The following GLB1 variants were observed in gnomAD, a reference collection of about 807,000 sequenced individuals.
GLB1 encodes the protein beta-galactosidase.
Under a neutral mutation model 74.0 loss-of-function variants are expected in GLB1, and 56 were observed. That is an observed-to-expected ratio of 0.76 (90% confidence interval 0.61 to 0.94). The LOEUF (loss-of-function observed/expected upper bound fraction) is 0.94. Among genes scored for constraint, GLB1 ranks in the 40% least tolerant of loss-of-function variants. The pLI is 0.00. For synonymous variants in GLB1, 323 were observed against 323.6 expected (o/e 1.00, Z 0.02); for missense variants, 787 against 845.5 (o/e 0.93, Z 0.86).
chr3:33,091,989 T>C (rs1700783117), intron 1 of GLB1: 1 of 983,762 alleles, frequency 1.0e-6, no homozygotes, highest in Admixed American at 6.1e-5. Flanking sequence ...ATACTGCCTG[T>C]GCCCTATCTC....
At chr3:32,998,512 C>CA (rs35791447) in intron 15 of GLB1, among the ~76,000 whole-genome samples, 941 of 84,194 alleles carry the variant, frequency 0.011, 5 homozygotes, top group Middle Eastern at 0.024. Flanking sequence ...GACTCCGTCT[C>CA]AAAAAAAAAA....
chr3:33,090,568 A>C lies in GLB1; in HGVS notation c.75+6443T>G, dbSNP rs960540057. ...TAAAGAAACAAATGAAATTGAAAGA[A>C]TGATCAAGCTTCAAGTAACGTTTCT... is the stretch of plus-strand genomic sequence containing the variant. On this transcript the variant is annotated intron_variant, in intron 1 of 15. Coordinates refer to ENST00000307363, the MANE Select transcript of GLB1 (RefSeq NM_000404.4). The C allele has an allele frequency of 7.1e-6, 7 of 985,342 alleles. No individual in the cohort carries two copies. The South Asian group carries it at 3.3e-4, about 46-fold the overall frequency. The allele number at this position is 985,342 out of a possible 1,614,324, so 61.0% of individuals were successfully genotyped here.
chr3:33,024,163 A>G, intron 11 of GLB1, 88 bp downstream of exon 11: 1 of 1,415,902 alleles, frequency 7.1e-7, no homozygotes, highest in South Asian at 1.2e-5. Context: ...CAATTCCTCC[A>G]GCACAGCACT....
intron 1 of GLB1, 150 bp from the exon 2 acceptor site, chr3:33,072,863 C>CA (rs1220871859): frequency 1.5e-6 from 2 of 1,319,058 alleles, no homozygotes; most frequent in Non-Finnish European, 2.1e-6. Flanking sequence ...TCATACAAAC[C>CA]ATTGCTAAGC....
intron 3 of GLB1, 54 bp from the exon 4 acceptor site, chr3:33,068,344 A>C (rs1383655807): frequency 1.2e-6 from 2 of 1,610,070 alleles, no homozygotes; most frequent in African/African-American, 2.7e-5. Flanking sequence ...GGGTGCTCAG[A>C]GGAGATAGAA....
At chr3:32,971,945 T>C in the GLB1 span, among the ~76,000 whole-genome samples, 1 of 152,192 alleles carries the variant, frequency 6.6e-6, no homozygotes, top group African/African-American at 2.4e-5. Context: ...TCCTTCTTTC[T>C]AATTCCTCGA....
chr3:33,004,621 C>T (rs1049713696), intron 15 of GLB1, among the ~76,000 whole-genome samples: 2 of 152,232 alleles, frequency 1.3e-5, no homozygotes, highest in Non-Finnish European at 2.9e-5. Context: ...TTGCTGAGAA[C>T]AGCTGGGTGA....
At chr3:32,964,368 G>T in the GLB1 span, among the ~76,000 whole-genome samples, 4 of 152,192 alleles carry the variant, frequency 2.6e-5, no homozygotes, top group African/African-American at 7.2e-5. Context: ...GAGGGAGTTC[G>T]TGCAGTGGAC....
chr3:33,073,637 G>A (rs896496931), intron 1 of GLB1, among the ~76,000 whole-genome samples: 1 of 152,074 alleles, frequency 6.6e-6, no homozygotes, highest in Non-Finnish European at 1.5e-5. Flanking sequence ...GCAGTGAGCT[G>A]AGATCACACC....
intron 12 of GLB1, among the ~76,000 whole-genome samples, chr3:33,020,243 T>C (rs1304350544): frequency 1.3e-5 from 2 of 152,198 alleles, no homozygotes; most frequent in Admixed American, 6.5e-5. Flanking sequence ...TGGAATAAAA[T>C]CACAGGTGTA....
intron 10 of GLB1, among the ~76,000 whole-genome samples, chr3:33,044,883 C>T (rs966878697): frequency 6.6e-6 from 1 of 152,128 alleles, no homozygotes; most frequent in Admixed American, 6.6e-5. Flanking sequence ...CACCTAGGTG[C>T]ATTAGGTGCC....
chr3:33,055,253 C>T (rs1699165871), intron 6 of GLB1, among the ~76,000 whole-genome samples: 1 of 152,146 alleles, frequency 6.6e-6, no homozygotes, highest in Admixed American at 6.5e-5. Context: ...GTGACAGTCA[C>T]GCTGTCACCT....
intron 1 of GLB1, among the ~76,000 whole-genome samples, chr3:33,088,092 T>C (rs1426628002): frequency 2.0e-5 from 3 of 151,804 alleles, no homozygotes; most frequent in African/African-American, 7.3e-5. Context: ...ACTCAACAAA[T>C]GCAAAATAGA....
intron 2 of GLB1, among the ~76,000 whole-genome samples, chr3:33,069,622 C>T (rs769242529): frequency 3.9e-5 from 6 of 152,120 alleles, no homozygotes; most frequent in Admixed American, 1.3e-4. Context: ...AAATGATTGT[C>T]ATACAGAGAA....
intron 2 of GLB1, 143 bp downstream of exon 2, chr3:33,072,401 C>G: frequency 7.7e-7 from 1 of 1,306,214 alleles, no homozygotes; most frequent in Non-Finnish European, 1.1e-6. Context: ...CAGTCCGGCT[C>G]ATGACAAGCC....
chr3:32,996,404 T>G (rs745772061), downstream of GLB1, among the ~76,000 whole-genome samples: 15 of 152,184 alleles, frequency 9.9e-5, no homozygotes, highest in Admixed American at 9.8e-4. Flanking sequence ...ATCAAAAAAT[T>G]TGCATATAAG....
intron 13 of GLB1, among the ~76,000 whole-genome samples, chr3:33,017,777 T>G (rs1462329604): frequency 6.6e-6 from 1 of 152,102 alleles, no homozygotes; most frequent in African/African-American, 2.4e-5. Context: ...CAAAATTGAA[T>G]TGGAAATGGA....
At chr3:33,094,002 C>A (rs371231261) in intron 1 of GLB1, 2 of 1,614,032 alleles carry the variant, frequency 1.2e-6, no homozygotes, top group African/African-American at 1.3e-5. Context: ...CACTGTGCTG[C>A]GCCAAATGTA....
At chr3:32,992,013 A>G (rs963021399), downstream of GLB1, among the ~76,000 whole-genome samples, 1 of 152,292 alleles carries the variant, frequency 6.6e-6, no homozygotes, top group African/African-American at 2.4e-5. Context: ...CAAGGAATTC[A>G]ATATGTTGGC....
Sources: gnomAD v4.1 joint callset for allele counts (sites outside exome capture counted in the v4.1 genomes callset) on GRCh38, gnomAD v4.1.1 for gene constraint, MANE v1.5 for transcripts, NCBI Gene and HGNC (gene_info 2026-07-23, HGNC 2026-07-21) for gene names.